The following ADGRG6 variants were observed in gnomAD, a reference collection of about 807,000 sequenced individuals.
ADGRG6 encodes adhesion G protein-coupled receptor G6.
ADGRG6 carries 84 observed loss-of-function variants against 142.4 expected under a neutral mutation model. The ratio of observed to expected loss-of-function variants is 0.59; its 90% CI spans 0.49 to 0.71. The LOEUF is 0.71. Ranked by LOEUF, ADGRG6 falls within the 30% of genes least tolerant of loss-of-function variation. The pLI, the probability that ADGRG6 is intolerant of heterozygous loss-of-function variation, is 0.00. For synonymous variants in ADGRG6, 521 were observed against 520.5 expected (o/e 1.00, Z -0.01); for missense variants, 1,367 against 1,466.6 (o/e 0.93, Z 1.11).
At chr6:142,433,405 G>A (rs1201078581) in intron 22 of ADGRG6, among the ~76,000 whole-genome samples, 1 of 152,208 alleles carries the variant, frequency 6.6e-6, no homozygotes, top group African/African-American at 2.4e-5. Flanking sequence ...TGAAAGGATT[G>A]ACTGTATTGG....
chr6:142,361,912 T>C (rs949233627), intron 2 of ADGRG6, among the ~76,000 whole-genome samples: 6 of 152,150 alleles, frequency 3.9e-5, no homozygotes, highest in African/African-American at 7.2e-5. Flanking sequence ...ACCCATGTGC[T>C]TGTGTGTCTA....
At chr6:142,396,086 G>A (rs1775174645) in intron 9 of ADGRG6, among the ~76,000 whole-genome samples, 2 of 152,138 alleles carry the variant, frequency 1.3e-5, no homozygotes, top group Admixed American at 6.6e-5. Context: ...TTCCTGACTT[G>A]TTGGGTTTGG....
chr6:142,402,293 A>T (rs1387309342), intron 12 of ADGRG6, among the ~76,000 whole-genome samples: 1 of 152,130 alleles, frequency 6.6e-6, no homozygotes, highest in Non-Finnish European at 1.5e-5. Flanking sequence ...TAATATATAA[A>T]TTGATATTTG....
intron 2 of ADGRG6, among the ~76,000 whole-genome samples, chr6:142,337,181 C>A (rs2114695579): frequency 6.6e-6 from 1 of 152,290 alleles, no homozygotes; most frequent in Non-Finnish European, 1.5e-5. Context: ...TTTTATTATA[C>A]TGTTATGTGT....
At chr6:142,360,610 G>GT (rs1483372412) in intron 2 of ADGRG6, among the ~76,000 whole-genome samples, 2 of 151,858 alleles carry the variant, frequency 1.3e-5, no homozygotes, top group Non-Finnish European at 2.9e-5. Context: ...CAAAAGTCTG[G>GT]TTTTCTCTCA....
chr6:142,406,056 C>G (rs1316991740), intron 15 of ADGRG6, among the ~76,000 whole-genome samples: 1 of 152,076 alleles, frequency 6.6e-6, no homozygotes, highest in Non-Finnish European at 1.5e-5. Flanking sequence ...AAGTATTAGG[C>G]TAAGGCTTGC....
intron 10 of ADGRG6, among the ~76,000 whole-genome samples, 157 bp from the exon 11 acceptor site, chr6:142,400,328 T>G (rs886405665): frequency 6.6e-6 from 1 of 152,212 alleles, no homozygotes; most frequent in South Asian, 2.1e-4. Flanking sequence ...CTAATTTTTT[T>G]TTTTACAAAT....
intron 4 of ADGRG6, among the ~76,000 whole-genome samples, chr6:142,380,263 GC>G (rs1399074855): frequency 3.3e-5 from 5 of 152,044 alleles, no homozygotes; most frequent in Admixed American, 3.3e-4. Flanking sequence ...GTGTAATGAG[GC>G]ATGTCCAACC....
intron 22 of ADGRG6, among the ~76,000 whole-genome samples, chr6:142,429,407 C>G (rs1045455871): frequency 1.1e-4 from 10 of 91,682 alleles, no homozygotes; most frequent in African/African-American, 4.9e-4. Flanking sequence ...GAAACATCAG[C>G]TTGGCTGAGA....
intron 22 of ADGRG6, among the ~76,000 whole-genome samples, chr6:142,432,812 G>A (rs1251702410): frequency 6.6e-6 from 1 of 152,094 alleles, no homozygotes; most frequent in Admixed American, 6.6e-5. Context: ...CTGTGACCTC[G>A]TTCTTTTCTG....
chr6:142,386,035 A>C (rs1410478628), intron 6 of ADGRG6, among the ~76,000 whole-genome samples: 3 of 152,320 alleles, frequency 2.0e-5, no homozygotes, highest in Middle Eastern at 3.4e-3. Context: ...TACTGAATTA[A>C]TCAATAACAA....
rs544468061 is a variant in ADGRG6 at position 142,434,046 on chromosome 6, C to G, written c.3320-3388C>G. 1.1e-4 allele frequency among the ~76,000 whole-genome samples: 16 copies of G among 152,016 alleles called. No homozygotes were observed. The South Asian group carries it at 3.3e-3, about 32-fold the overall frequency. On this transcript the variant is annotated intron_variant, in intron 22 of 24. Transcript: ENST00000367609. ...CCAGCCTGGGCAACAGAGCAAGAATCTGTCTCTTAAAAAAGAAAAAACTTC... is the reference window on the plus strand; with the variant it reads ...CCAGCCTGGGCAACAGAGCAAGAATGTGTCTCTTAAAAAAGAAAAAACTTC...
chr6:142,315,235 T>C (rs1476730679), intron 2 of ADGRG6, among the ~76,000 whole-genome samples: 3 of 152,172 alleles, frequency 2.0e-5, no homozygotes, highest in African/African-American at 7.2e-5. Context: ...AAATTCTTTT[T>C]AATTCTTTAA....
chr6:142,356,576 A>G lies in ADGRG6; in HGVS notation c.104-10993A>G, dbSNP rs187310577. ...GCACTCCTTTCCTTAGTGAAGCATCATATGTCTTCATAACTTCCTTGGAAA... is the reference window on the plus strand; with the variant it reads ...GCACTCCTTTCCTTAGTGAAGCATCGTATGTCTTCATAACTTCCTTGGAAA... On this transcript the variant is annotated intron_variant, in intron 2 of 24. Coordinates refer to ENST00000367609, the MANE Select transcript of ADGRG6 (RefSeq NM_198569.3). 1.2e-4 allele frequency among the ~76,000 whole-genome samples: 19 copies of G among 152,326 alleles called. No individual in the cohort carries two copies. The East Asian group carries it at 3.1e-3, about 25-fold the overall frequency.
rs1300899858 is a variant in ADGRG6, at chr6:142,367,590, G to A, written c.125G>A (p.Arg42Gln). ...GCAGTGTGGGGATGTGCCAACTGCC[G>A]AGTGGTTTTGTCCAACCCTTCTGGG... ...PHSVWGCANC[R>Q]VVLSNPSGTF... The change falls in exon 3 of 25, where the codon CGA becomes CAA. Residue 42 changes from arginine to glutamine, a missense_variant. This residue lies in a region of ADGRG6 where 737 missense variants were observed against 746.5 expected (regional missense o/e 0.99). Transcript: ENST00000367609. 6.8e-6 allele frequency: 11 copies of A among 1,613,264 alleles called. No homozygotes were observed. Among genetic ancestry groups the A allele is most frequent in the Admixed American group, 1.7e-5 (1 of 59,936 alleles).
intron 2 of ADGRG6, among the ~76,000 whole-genome samples, chr6:142,310,629 G>A (rs1330217030): frequency 1.3e-5 from 2 of 151,780 alleles, no homozygotes; most frequent in African/African-American, 4.8e-5. Flanking sequence ...GTATTGAGAT[G>A]TGAAAACTTT....
At chr6:142,373,667 G>A (rs563475965) in intron 4 of ADGRG6, among the ~76,000 whole-genome samples, 14 of 152,122 alleles carry the variant, frequency 9.2e-5, no homozygotes, top group South Asian at 2.1e-4. Context: ...GCTCTCCTGA[G>A]TAGGTAGGAC....
chr6:142,391,153 A>G (rs1025436162), intron 7 of ADGRG6, among the ~76,000 whole-genome samples: 13 of 151,730 alleles, frequency 8.6e-5, no homozygotes, highest in African/African-American at 3.1e-4. Flanking sequence ...TTTCTTACAA[A>G]TACAACACAT....
chr6:142,423,322 C>A (rs1257699988), intron 22 of ADGRG6, among the ~76,000 whole-genome samples: 1 of 148,420 alleles, frequency 6.7e-6, no homozygotes, highest in Non-Finnish European at 1.5e-5. Flanking sequence ...ATCTTTAATC[C>A]ATCTTGAATT....
Sources: gnomAD v4.1 joint callset for allele counts (sites outside exome capture counted in the v4.1 genomes callset) on GRCh38, gnomAD v4.1.1 for gene constraint, gnomAD v4.1.1 regional missense constraint, MANE v1.5 for transcripts, NCBI Gene and HGNC (gene_info 2026-07-23, HGNC 2026-07-21) for gene names.